TBCD: variants seen among roughly 807,000 people sequenced by gnomAD.
The protein encoded by TBCD is tubulin folding cofactor D, also known as tubulin-specific chaperone D.
TBCD carries 105 observed loss-of-function variants against 169.3 expected under a neutral mutation model. The ratio of observed to expected loss-of-function variants is 0.62; its 90% CI spans 0.53 to 0.73. The LOEUF (loss-of-function observed/expected upper bound fraction) is 0.73. Among genes scored for constraint, TBCD ranks in the 30% least tolerant of loss-of-function variants. The probability of loss-of-function intolerance (pLI) is 0.00; values close to 1 mark genes in which losing one functional copy is unlikely to be tolerated. For synonymous variants in TBCD, 700 were observed against 643.9 expected, an observed-to-expected ratio of 1.09 and a Z score of -1.32; for missense variants, 1,444 against 1,600.1, an observed-to-expected ratio of 0.90 and a Z score of 1.66.
At chr17:82,855,235 C>CTTTTT (rs58346723) in intron 13 of TBCD, among the ~76,000 whole-genome samples, 11 of 54,030 alleles carry the variant, frequency 2.0e-4, no homozygotes, top group Admixed American at 1.0e-3. Context: ...AAGGTGTTTG[C>CTTTTT]TTTTTTTTTT....
chr17:82,886,608 G>A lies in TBCD; in HGVS notation c.1533+2406G>A, dbSNP rs1242949459. Among the ~76,000 whole-genome samples, 2 of 136,742 alleles carry A rather than the reference G, an allele frequency of 1.5e-5. 1 individual carries two copies. Among genetic ancestry groups the A allele is most frequent in the African/African-American group, 5.3e-5 (2 of 37,602 alleles). 89.7% of individuals were successfully genotyped at this position (136,742 alleles called of 152,430 possible). On this transcript the variant is annotated intron_variant, in intron 15 of 38. Transcript: ENST00000355528. The stretch of plus-strand genomic sequence containing the variant: ...ACCTCTATTTGTGACTTTTTATTTT[G>A]GGATAATTGAGATTTATATGCAGTT...
intron 13 of TBCD, among the ~76,000 whole-genome samples, chr17:82,851,279 A>G (rs1303107946): frequency 3.3e-5 from 5 of 152,260 alleles, no homozygotes; most frequent in Non-Finnish European, 5.9e-5. Context: ...AAAAGTTAAA[A>G]AAGTTTAAAA....
chr17:82,860,948 AG>A (rs1369099389), intron 13 of TBCD, among the ~76,000 whole-genome samples: 1 of 152,210 alleles, frequency 6.6e-6, no homozygotes, highest in Admixed American at 6.5e-5. Flanking sequence ...CAGGGTGGCC[AG>A]GGACTTGGCG....
In TBCD at chr17:82,768,420, G is replaced by A; in HGVS notation, c.436G>A (p.Ala146Thr). Residue 146 changes from alanine to threonine, a missense_variant and splice_region_variant, in exon 5 of 39, where the codon GCT becomes ACT. By Grantham distance (58) the Ala-to-Thr change is moderately conservative. Transcript: ENST00000355528. ...TTCTTCCCGTGGTTTAATTTTTTAGGCTTGGGAAACCCGCTACATGCTTTT... is the reference window on the plus strand; with the variant it reads ...TTCTTCCCGTGGTTTAATTTTTTAGACTTGGGAAACCCGCTACATGCTTTT... ...VTIQNPKDHE[A>T]WETRYMLLLW... 1 of 1,613,744 alleles carries A rather than the reference G, an allele frequency of 6.2e-7. No homozygotes were observed. Among genetic ancestry groups the A allele is most frequent in the Non-Finnish European group, 8.5e-7 (1 of 1,179,764 alleles).
intron 6 of TBCD, among the ~76,000 whole-genome samples, chr17:82,779,843 C>CAGAAATAATAGCT (rs2048831392): frequency 6.6e-6 from 1 of 152,138 alleles, no homozygotes; most frequent in African/African-American, 2.4e-5. Context: ...CCTGGGGTCT[C>CAGAAATAATAGCT]CACGTAGCTG....
intron 23 of TBCD, among the ~76,000 whole-genome samples, chr17:82,914,494 A>G (rs1237652648): frequency 1.3e-5 from 2 of 152,200 alleles, no homozygotes; most frequent in Non-Finnish European, 2.9e-5. Flanking sequence ...TGTCTGCACC[A>G]TGAGTGTGTT....
At chr17:82,802,333 C>T (rs569022936) in intron 9 of TBCD, among the ~76,000 whole-genome samples, 1 of 152,104 alleles carries the variant, frequency 6.6e-6, no homozygotes, top group African/African-American at 2.4e-5. Context: ...CACACTCCGT[C>T]CTGGATGATG....
chr17:82,942,694 T>C lies in TBCD; in HGVS notation c.*231T>C, dbSNP rs908568377. Reference sequence around the variant, plus strand: ...CACAAATGTGCTTCCTATAAAATCATGTACCAAGAAGTTCCTGCCTTTTGT... The same window carrying C: ...CACAAATGTGCTTCCTATAAAATCACGTACCAAGAAGTTCCTGCCTTTTGT... On this transcript the variant is annotated 3_prime_UTR_variant, in exon 39 of 39. Coordinates refer to ENST00000355528, the MANE Select transcript of TBCD (RefSeq NM_005993.5). 3.0e-5 allele frequency: 18 copies of C among 608,318 alleles called. No individual in the cohort carries two copies. Among genetic ancestry groups the C allele is most frequent in the Non-Finnish European group, 4.7e-5 (16 of 342,812 alleles). 37.7% of individuals were successfully genotyped at this position (608,318 alleles called of 1,614,324 possible). A position where few individuals can be genotyped will look rare whatever the true frequency, so the allele number is the denominator to read the frequency against.
chr17:82,831,455 T>A lies in TBCD; in HGVS notation c.1318+16521T>A, dbSNP rs771302178. The A allele has an allele frequency of 6.2e-7, 1 of 1,614,044 alleles. No individual in the cohort carries two copies. Among genetic ancestry groups the A allele is most frequent in the African/African-American group, 1.3e-5 (1 of 74,910 alleles). On this transcript the variant is annotated intron_variant, in intron 13 of 38. Transcript: ENST00000355528. This position sits in a 1 kb window ranked among gnomAD's most constrained non-coding sequence, Gnocchi z 4.6. ...GTGAGGCCAGTGACAGGTGGGAGTC[T>A]GAGACCATAGGAGGAAAATGCAGAC...
chr17:82,879,113 C>T (rs2058179800), intron 14 of TBCD, among the ~76,000 whole-genome samples: 1 of 145,670 alleles, frequency 6.9e-6, no homozygotes. Flanking sequence ...TTCCTTCTGG[C>T]ACCACAAGAT....
chr17:82,933,026 G>T (rs1045233413), intron 34 of TBCD, among the ~76,000 whole-genome samples: 1 of 152,206 alleles, frequency 6.6e-6, no homozygotes, highest in Non-Finnish European at 1.5e-5. Context: ...CCGGGCCAGG[G>T]GTGGGCCTCA....
intron 1 of TBCD, among the ~76,000 whole-genome samples, chr17:82,753,447 CTTTTTTTT>C (rs59839519): frequency 1.9e-5 from 2 of 104,294 alleles, no homozygotes; most frequent in Admixed American, 1.1e-4. Context: ...TGGCTTCTTC[CTTTTTTTT>C]TTTTTTTTTT....
intron 34 of TBCD, among the ~76,000 whole-genome samples, chr17:82,933,258 C>A (rs1166463310): frequency 6.8e-6 from 1 of 146,518 alleles, no homozygotes; most frequent in Admixed American, 6.9e-5. Flanking sequence ...TTGAATTTCA[C>A]CGTGTTGGGC....
At chr17:82,845,393 G>A (rs769904563) in intron 13 of TBCD, among the ~76,000 whole-genome samples, 3 of 145,402 alleles carry the variant, frequency 2.1e-5, no homozygotes, top group Non-Finnish European at 4.5e-5. Flanking sequence ...CTTCCTCTCC[G>A]TCCTGTCCAG....
At chr17:82,868,718 T>TAA (rs1238346514) in intron 13 of TBCD, among the ~76,000 whole-genome samples, 1 of 152,228 alleles carries the variant, frequency 6.6e-6, no homozygotes, top group Admixed American at 6.5e-5. Flanking sequence ...AGTTGTTGCT[T>TAA]ATGGTGTTTT....
intron 2 of TBCD, among the ~76,000 whole-genome samples, chr17:82,761,216 G>A (rs1460605314): frequency 1.3e-5 from 2 of 151,950 alleles, no homozygotes; most frequent in East Asian, 1.9e-4. Flanking sequence ...CACCTGCCTC[G>A]GCCTCCCAAA....
intron 13 of TBCD, among the ~76,000 whole-genome samples, chr17:82,853,226 T>G (rs2055956244): frequency 6.6e-6 from 1 of 152,056 alleles, no homozygotes. Flanking sequence ...ACCACAGGCA[T>G]GTGCCACCAC....
Position 82,789,310 on chromosome 17 carries a change from A to G in TBCD, c.771+7589A>G, listed in dbSNP as rs551626144. ...GAGTCTTACAGAAACCTGCATGGTGAGCCGCACGCCTTTGAGTCCCCATCA... is the reference window on the plus strand; with the variant it reads ...GAGTCTTACAGAAACCTGCATGGTGGGCCGCACGCCTTTGAGTCCCCATCA... On this transcript the variant is annotated intron_variant, in intron 7 of 38. Transcript: ENST00000355528. The surrounding 1 kb of genome is among the most constrained non-coding windows in gnomAD (Gnocchi z 4.8). Among the ~76,000 whole-genome samples the G allele has an allele frequency of 2.0e-5, 3 of 152,312 alleles. No homozygotes were observed. The South Asian group carries it at 6.2e-4, about 32-fold the overall frequency.
chr17:82,772,343 G>C (rs993656779), intron 5 of TBCD, 109 bp from the exon 6 acceptor site: 26 of 1,146,628 alleles, frequency 2.3e-5, no homozygotes, highest in Non-Finnish European at 3.3e-5. Flanking sequence ...TAAGGTTTGT[G>C]AACCTGGGCC....
Sources: gnomAD v4.1 joint callset for allele counts (sites outside exome capture counted in the v4.1 genomes callset) on GRCh38, gnomAD v4.1.1 for gene constraint, Gnocchi (gnomAD v3.1) non-coding constraint, MANE v1.5 for transcripts, NCBI Gene and HGNC (gene_info 2026-07-23, HGNC 2026-07-21) for gene names.